Variants in BICC1 observed in about 807,000 individuals in gnomAD.
The protein encoded by BICC1 is protein bicaudal C homolog 1.
Under a neutral mutation model 111.0 loss-of-function variants are expected in BICC1, and 43 were observed. The ratio of observed to expected loss-of-function variants is 0.39; its 90% CI spans 0.30 to 0.50. The LOEUF (loss-of-function observed/expected upper bound fraction) is 0.50. BICC1 is among the 20% of genes least tolerant of loss of function. The probability of loss-of-function intolerance (pLI) is 0.88; values close to 1 mark genes in which losing one functional copy is unlikely to be tolerated. For missense variants in BICC1, 1,091 were observed against 1,203.2 expected (o/e 0.91, Z 1.38); for synonymous variants, 467 against 434.4 (o/e 1.07, Z -0.93).
chr10:58,776,513 C>G (rs957334985), intron 3 of BICC1, among the ~76,000 whole-genome samples: 4 of 152,194 alleles, frequency 2.6e-5, no homozygotes, highest in African/African-American at 9.7e-5. Flanking sequence ...GATGCTTTAT[C>G]CTGGCATGTG....
intron 1 of BICC1, among the ~76,000 whole-genome samples, chr10:58,526,136 G>A (rs1372503822): frequency 4.6e-5 from 7 of 151,666 alleles, no homozygotes; most frequent in Admixed American, 3.3e-4. Context: ...ATGCCTGTGC[G>A]GTCATCTCAG....
intron 3 of BICC1, among the ~76,000 whole-genome samples, chr10:58,745,607 C>G (rs1236801815): frequency 7.8e-6 from 1 of 128,104 alleles, no homozygotes; most frequent in Non-Finnish European, 1.7e-5. Context: ...CCACCGCCCC[C>G]CCCCCACATT....
intron 9 of BICC1, 63 bp from the exon 10 acceptor site, chr10:58,796,277 C>A: frequency 1.4e-6 from 2 of 1,405,534 alleles, no homozygotes; most frequent in South Asian, 2.6e-5. Flanking sequence ...CCTCCCTCCC[C>A]TCCCCCATTC....
intron 1 of BICC1, among the ~76,000 whole-genome samples, chr10:58,559,901 C>T (rs963581977): frequency 6.6e-6 from 1 of 151,606 alleles, no homozygotes; most frequent in Non-Finnish European, 1.5e-5. Flanking sequence ...GCATGTATTC[C>T]TGGGATAAAG....
chr10:58,633,432 G>A (rs1422762460), intron 2 of BICC1, among the ~76,000 whole-genome samples: 1 of 152,160 alleles, frequency 6.6e-6, no homozygotes, highest in Non-Finnish European at 1.5e-5. Context: ...CTTCATTAGT[G>A]CCAGGTAAGG....
At chr10:58,686,018 T>A in intron 2 of BICC1, among the ~76,000 whole-genome samples, 1 of 152,172 alleles carries the variant, frequency 6.6e-6, no homozygotes, top group Admixed American at 6.5e-5. Flanking sequence ...GTTCCTTTCC[T>A]TGGTTAGTGC....
intron 3 of BICC1, among the ~76,000 whole-genome samples, chr10:58,703,287 C>T (rs1284711631): frequency 1.2e-5 from 1 of 83,844 alleles, no homozygotes; most frequent in Non-Finnish European, 2.5e-5. Context: ...ACCACAGACT[C>T]AAGTAGCTGG....
intron 2 of BICC1, among the ~76,000 whole-genome samples, chr10:58,630,093 A>G (rs1194836224): frequency 4.6e-5 from 7 of 152,096 alleles, no homozygotes; most frequent in African/African-American, 1.7e-4. Flanking sequence ...AACCTTCTCT[A>G]TACAGTGTAC....
At chr10:58,679,249 T>C (rs555033468) in intron 2 of BICC1, among the ~76,000 whole-genome samples, 138 of 152,122 alleles carry the variant, frequency 9.1e-4, no homozygotes, top group Non-Finnish European at 1.4e-3. Context: ...ATCCAGGAGC[T>C]GGTTTTTTGA....
intron 1 of BICC1, among the ~76,000 whole-genome samples, chr10:58,611,068 A>G (rs575126068): frequency 1.3e-5 from 2 of 152,354 alleles, no homozygotes; most frequent in Admixed American, 1.3e-4. Context: ...GGCAGCTTAT[A>G]TCTACATTTG....
At chr10:58,754,308 A>G (rs1030883735) in intron 3 of BICC1, among the ~76,000 whole-genome samples, 2 of 152,158 alleles carry the variant, frequency 1.3e-5, no homozygotes, top group African/African-American at 2.4e-5. Flanking sequence ...GGAAGCACTT[A>G]TTTTCTTTTA....
intron 1 of BICC1, among the ~76,000 whole-genome samples, chr10:58,557,656 G>A (rs1843490131): frequency 6.6e-6 from 1 of 151,900 alleles, no homozygotes; most frequent in Non-Finnish European, 1.5e-5. Context: ...AATACTTTCA[G>A]TGCTTTTTTA....
intron 3 of BICC1, among the ~76,000 whole-genome samples, chr10:58,720,491 G>A (rs1182682335): frequency 1.3e-5 from 2 of 152,192 alleles, no homozygotes; most frequent in Non-Finnish European, 2.9e-5. Context: ...GGAGAAGAGT[G>A]CAAGTCACAG....
intron 15 of BICC1, among the ~76,000 whole-genome samples, 187 bp downstream of exon 15, chr10:58,803,429 A>G (rs1843615351): frequency 6.6e-6 from 1 of 152,210 alleles, no homozygotes; most frequent in Non-Finnish European, 1.5e-5. Flanking sequence ...AGCAGTATTT[A>G]CCTTAAGTGA....
At chr10:58,539,347 A>G (rs904140046) in intron 1 of BICC1, among the ~76,000 whole-genome samples, 4 of 151,596 alleles carry the variant, frequency 2.6e-5, no homozygotes, top group Admixed American at 6.6e-5. Flanking sequence ...TGGATATGCA[A>G]GGGCATACAG....
At position 58,820,365 on chromosome 10, in the gene BICC1, A is replaced by G; in HGVS notation, c.2695-4A>G. On this transcript the variant is annotated splice_region_variant and splice_polypyrimidine_tract_variant and intron_variant, in intron 19 of 20. Transcript: ENST00000373886. The stretch of plus-strand genomic sequence containing the variant: ...TGGTTATAGATTGACCTTTCTACCC[A>G]CAGATCGATCTTCAGACATTCCTCA... 4 of 1,605,326 alleles carry G rather than the reference A, an allele frequency of 2.5e-6. No individual in the cohort carries two copies. The highest frequency in any genetic ancestry group is 3.4e-6 in the Non-Finnish European group (4 of 1,172,594).
At chr10:58,516,886 G>C (rs1233052556) in intron 1 of BICC1, among the ~76,000 whole-genome samples, 2 of 152,090 alleles carry the variant, frequency 1.3e-5, no homozygotes, top group African/African-American at 2.4e-5. Context: ...GAGTGTTATA[G>C]CAGGAAGTCT....
At chr10:58,672,407 A>G (rs558484827) in intron 2 of BICC1, among the ~76,000 whole-genome samples, 2 of 152,190 alleles carry the variant, frequency 1.3e-5, no homozygotes, top group African/African-American at 4.8e-5. Context: ...TATGCAGTAG[A>G]TGTTTGTGAA....
chr10:58,792,378 G>A (rs1347837163), intron 8 of BICC1, among the ~76,000 whole-genome samples: 1 of 152,182 alleles, frequency 6.6e-6, no homozygotes, highest in East Asian at 1.9e-4. Flanking sequence ...TGGTGAAGAA[G>A]CTTTTGATGA....
Sources: gnomAD v4.1 joint callset for allele counts (sites outside exome capture counted in the v4.1 genomes callset) on GRCh38, gnomAD v4.1.1 for gene constraint, MANE v1.5 for transcripts, NCBI Gene and HGNC (gene_info 2026-07-23, HGNC 2026-07-21) for gene names.